The following UNC13B variants were observed in gnomAD, a reference collection of about 807,000 sequenced individuals.
UNC13B encodes unc-13 homolog B.
UNC13B carries 144 observed loss-of-function variants against 211.0 expected under a neutral mutation model. The observed-to-expected ratio is 0.68, with a 90% CI of 0.60 to 0.78. The LOEUF (loss-of-function observed/expected upper bound fraction) is 0.78, where lower values mean the gene tolerates loss of function less well. Among genes scored for constraint, UNC13B ranks in the 30% least tolerant of loss-of-function variants. UNC13B has a pLI of 0.00. For synonymous variants in UNC13B, 709 were observed against 725.8 expected (o/e 0.98, Z 0.37); for missense variants, 1,777 against 2,002.0 (o/e 0.89, Z 2.14).
intron 25 of UNC13B, 58 bp downstream of exon 25, chr9:35,390,031 C>A: frequency 6.2e-7 from 1 of 1,600,212 alleles, no homozygotes; most frequent in Non-Finnish European, 8.5e-7. Context: ...ATCTGTCTAA[C>A]AACCTCTTTC....
chr9:35,381,847 C>T, intron 20 of UNC13B, 128 bp downstream of exon 20: 1 of 1,216,368 alleles, frequency 8.2e-7, no homozygotes, highest in Non-Finnish European at 1.2e-6. Flanking sequence ...CCTCTCTGAG[C>T]TGGGTGAGAT....
intron 27 of UNC13B, 105 bp downstream of exon 27, chr9:35,396,707 AG>A: frequency 6.3e-7 from 1 of 1,596,024 alleles, no homozygotes; most frequent in Non-Finnish European, 8.6e-7. Context: ...CTGCCTGTTC[AG>A]GTACCACCGT....
At chr9:35,357,635 C>A (rs1833117429) in intron 11 of UNC13B, among the ~76,000 whole-genome samples, 1 of 146,286 alleles carries the variant, frequency 6.8e-6, no homozygotes, top group African/African-American at 2.5e-5. Context: ...TGTCTGTAAT[C>A]CCAGCACTTT....
At chr9:35,285,555 C>T (rs1828742838) in intron 7 of UNC13B, among the ~76,000 whole-genome samples, 1 of 152,042 alleles carries the variant, frequency 6.6e-6, no homozygotes, top group South Asian at 2.1e-4. Flanking sequence ...CCCATCTCTA[C>T]AGAAAACAAA....
At chr9:35,225,158 G>A (rs1824762676) in intron 1 of UNC13B, among the ~76,000 whole-genome samples, 1 of 152,074 alleles carries the variant, frequency 6.6e-6, no homozygotes, top group Non-Finnish European at 1.5e-5. Flanking sequence ...TTGTGTTCTT[G>A]TTTGTTGTTG....
intron 1 of UNC13B, among the ~76,000 whole-genome samples, chr9:35,200,234 T>C (rs1388116218): frequency 6.6e-6 from 1 of 152,252 alleles, no homozygotes; most frequent in African/African-American, 2.4e-5. Flanking sequence ...TTTTGGTTAT[T>C]GTAGCCTTGT....
intron 10 of UNC13B, among the ~76,000 whole-genome samples, chr9:35,312,219 C>A (rs1458133975): frequency 6.6e-6 from 1 of 152,220 alleles, no homozygotes; most frequent in Non-Finnish European, 1.5e-5. Flanking sequence ...AACACCAGAG[C>A]ACTGAATGCA....
intron 1 of UNC13B, among the ~76,000 whole-genome samples, chr9:35,168,930 C>T (rs1390857969): frequency 6.6e-6 from 1 of 151,992 alleles, no homozygotes; most frequent in Non-Finnish European, 1.5e-5. Context: ...GTCTCAGTCT[C>T]CTAAAGTGTT....
At chr9:35,247,042 G>T (rs978990462) in intron 6 of UNC13B, among the ~76,000 whole-genome samples, 3 of 152,130 alleles carry the variant, frequency 2.0e-5, no homozygotes, top group Non-Finnish European at 2.9e-5. Flanking sequence ...GCAGTGGTTT[G>T]TAGTTCTCCT....
chr9:35,221,749 A>T (rs943380235), intron 1 of UNC13B, among the ~76,000 whole-genome samples: 1 of 152,216 alleles, frequency 6.6e-6, no homozygotes, highest in South Asian at 2.1e-4. Flanking sequence ...ATTTTCTCCT[A>T]TGTTTTCTTC....
At chr9:35,278,329 A>C (rs1828291991) in intron 7 of UNC13B, among the ~76,000 whole-genome samples, 1 of 152,152 alleles carries the variant, frequency 6.6e-6, no homozygotes, top group Non-Finnish European at 1.5e-5. Context: ...GAAAGTTTTG[A>C]GCCGCTTAAG....
chr9:35,337,963 C>T (rs748251844), intron 11 of UNC13B, among the ~76,000 whole-genome samples: 1 of 152,150 alleles, frequency 6.6e-6, no homozygotes, highest in East Asian at 1.9e-4. Flanking sequence ...AGAGGATCCT[C>T]GGTATATGGC....
In UNC13B at chr9:35,396,710, T is replaced by C. The variant is rs1835904116; in HGVS notation, c.11435+108T>C. On this transcript the variant is annotated intron_variant, in intron 27 of 39. Coordinates refer to ENST00000635942, the MANE Select transcript of UNC13B (RefSeq NM_001371189.2). ...CAGTCTCGGGGACTGCCTGTTCAGG[T>C]ACCACCGTAGACAAAGAAAAGTGTT... is the stretch of plus-strand genomic sequence containing the variant. 19 of 1,595,524 alleles carry C rather than the reference T, an allele frequency of 1.2e-5. No individual in the cohort carries two copies. The South Asian group carries it at 2.1e-4, about 18-fold the overall frequency.
intron 10 of UNC13B, 117 bp downstream of exon 10, chr9:35,310,898 C>T (rs1330290347): frequency 6.5e-6 from 6 of 920,576 alleles, no homozygotes; most frequent in Non-Finnish European, 9.8e-6. Context: ...TGGTAGTTAA[C>T]ACCTCCAGGC....
At chr9:35,398,443 C>T (rs535463226) in intron 31 of UNC13B, 111 bp from the exon 32 acceptor site, 294 of 1,357,610 alleles carry the variant, frequency 2.2e-4, no homozygotes, top group Non-Finnish European at 2.7e-4. Flanking sequence ...TAAGGCCCTG[C>T]GAGGGAGGAA....
At chr9:35,273,712 C>CA (rs763408786) in intron 7 of UNC13B, among the ~76,000 whole-genome samples, 22 of 151,808 alleles carry the variant, frequency 1.4e-4, no homozygotes, top group East Asian at 7.7e-4. Flanking sequence ...AAATCAACCA[C>CA]AAAAAAAACG....
chr9:35,399,528 T>A lies in UNC13B; in HGVS notation c.12255+80T>A. 8.7e-6 allele frequency: 14 copies of A among 1,606,068 alleles called. No individual in the cohort carries two copies. In the South Asian group the frequency reaches 1.5e-4, roughly 18 times the overall value. On this transcript the variant is annotated intron_variant, in intron 35 of 39. Coordinates refer to ENST00000635942, the MANE Select transcript of UNC13B (RefSeq NM_001371189.2). Reference sequence around the variant, plus strand: ...AGAGGGTGGCTGCGGGGAAGGAAATTGGAGCTTTGGAGACTGAAGAGGAAA... The same window carrying A: ...AGAGGGTGGCTGCGGGGAAGGAAATAGGAGCTTTGGAGACTGAAGAGGAAA...
intron 3 of UNC13B, among the ~76,000 whole-genome samples, chr9:35,235,201 C>T (rs767526013): frequency 7.9e-5 from 12 of 152,060 alleles, no homozygotes; most frequent in Non-Finnish European, 1.5e-4. Flanking sequence ...GATTTCTTTT[C>T]GAATTTTTTC....
In UNC13B at chr9:35,301,502, G is replaced by C. The variant is rs1041356604; in HGVS notation, c.2098G>C (p.Asp700His). The C allele has an allele frequency of 2.5e-6, 1 of 398,688 alleles. No individual in the cohort carries two copies. Among genetic ancestry groups the C allele is most frequent in the African/African-American group, 2.1e-5 (1 of 48,592 alleles). 24.7% of individuals were successfully genotyped at this position (398,688 alleles called of 1,614,324 possible). A position where few individuals can be genotyped will look rare whatever the true frequency, so the allele number is the denominator to read the frequency against. The change falls in exon 9 of 40, where the codon GAC becomes CAC. Residue 700 changes from aspartate (D) to histidine (H), a missense_variant. Transcript: ENST00000635942. ...GTTAAATAAAAGGGAAGGCACTCTT[G>C]ACAATTACAGTAGTAGCATCATTGC... ...LELNKREGTL[D>H]NYSSSIIALN... is the part of the protein sequence containing the mutation.
Sources: gnomAD v4.1 joint callset for allele counts (sites outside exome capture counted in the v4.1 genomes callset) on GRCh38, gnomAD v4.1.1 for gene constraint, MANE v1.5 for transcripts, NCBI Gene and HGNC (gene_info 2026-07-23, HGNC 2026-07-21) for gene names.